Variants in PIP5K1A observed in about 807,000 individuals in gnomAD.
The protein encoded by PIP5K1A is phosphatidylinositol-4-phosphate 5-kinase type 1 alpha.
Under a neutral mutation model 72.9 loss-of-function variants are expected in PIP5K1A, and 46 were observed. That is an observed-to-expected ratio of 0.63 (90% CI 0.50 to 0.81). The LOEUF (loss-of-function observed/expected upper bound fraction) is 0.81, where lower values mean the gene tolerates loss of function less well. PIP5K1A is among the 30% of genes least tolerant of loss of function. The pLI is 0.00. For missense variants in PIP5K1A, 458 were observed against 706.1 expected (o/e 0.65, Z 3.98); for synonymous variants, 228 against 255.1 (o/e 0.89, Z 1.01).
chr1:151,211,362 C>T (rs1226577943), intron 1 of PIP5K1A, among the ~76,000 whole-genome samples: 1 of 152,152 alleles, frequency 6.6e-6, no homozygotes, highest in East Asian at 1.9e-4. Flanking sequence ...CGATGTGTGC[C>T]TGTAGTCCCA....
At chr1:151,213,008 A>T (rs1006596020) in intron 1 of PIP5K1A, among the ~76,000 whole-genome samples, 3 of 147,870 alleles carry the variant, frequency 2.0e-5, no homozygotes, top group African/African-American at 7.6e-5. Context: ...CTCCTGCCTC[A>T]GCCTCTGGAG....
intron 11 of PIP5K1A, 37 bp downstream of exon 11, chr1:151,239,215 T>G (rs768170152): frequency 5.0e-5 from 67 of 1,350,478 alleles, no homozygotes; most frequent in Non-Finnish European, 6.5e-5. Context: ...TACCGTACAC[T>G]TCTGCCTCCA....
At chr1:151,195,884 A>ATTTTTTTTTTTTTTTTTTTTT (rs1157195462), upstream of PIP5K1A, among the ~76,000 whole-genome samples, 2 of 62,294 alleles carry the variant, frequency 3.2e-5, 1 homozygote, top group Non-Finnish European at 5.4e-5. Flanking sequence ...ACACCAGCCG[A>ATTTTTTTTTTTTTTTTTTTTT]TTTTTTTTTT....
chr1:151,242,618 C>A, intron 14 of PIP5K1A, 51 bp downstream of exon 14: 1 of 1,463,902 alleles, frequency 6.8e-7, no homozygotes, highest in Non-Finnish European at 9.5e-7. Context: ...CTTTTCAAGT[C>A]CTTGGAAACC....
At chr1:151,223,343 C>T (rs747698042) in intron 1 of PIP5K1A, among the ~76,000 whole-genome samples, 21 of 135,488 alleles carry the variant, frequency 1.5e-4, no homozygotes, top group Non-Finnish European at 2.8e-4. Flanking sequence ...AGCAAAACTC[C>T]GTCTCAAAAA....
chr1:151,204,208 CT>C (rs1685611300), intron 1 of PIP5K1A, among the ~76,000 whole-genome samples: 1 of 152,110 alleles, frequency 6.6e-6, no homozygotes, highest in African/African-American at 2.4e-5. Context: ...TGGAGTTTCG[CT>C]CTTGTTGCCC....
chr1:151,232,407 AG>A, intron 6 of PIP5K1A, 42 bp downstream of exon 6: 1 of 1,514,468 alleles, frequency 6.6e-7, no homozygotes, highest in Non-Finnish European at 9.2e-7. Flanking sequence ...CCAGTATCAG[AG>A]GGATATTCCC....
At chr1:151,212,282 A>G (rs1686935345) in intron 1 of PIP5K1A, among the ~76,000 whole-genome samples, 1 of 152,148 alleles carries the variant, frequency 6.6e-6, no homozygotes, top group African/African-American at 2.4e-5. Flanking sequence ...CTCATTTCTC[A>G]TTCTGAAGTT....
chr1:151,242,655 A>G, intron 14 of PIP5K1A, 88 bp downstream of exon 14: 2 of 1,148,400 alleles, frequency 1.7e-6, no homozygotes, highest in Middle Eastern at 2.0e-4. Flanking sequence ...ATCATAATAA[A>G]TTACCCCAAA....
intron 1 of PIP5K1A, among the ~76,000 whole-genome samples, chr1:151,200,544 T>A (rs1449168691): frequency 6.6e-6 from 1 of 152,108 alleles, no homozygotes; most frequent in Non-Finnish European, 1.5e-5. Flanking sequence ...GCTTGAGATT[T>A]TGGTATTTCC....
In PIP5K1A at chr1:151,203,079, A is replaced by T. The variant is rs145031753; in HGVS notation, c.85+3998A>T. On this transcript the variant is annotated intron_variant, in intron 1 of 15. Transcript: ENST00000368888. ...TAGCCGCCGCCGCTGGCCTTACTTT[A>T]TGCCCTTTTTACCACCATGAGGAGA... Among the ~76,000 whole-genome samples, 687 of 152,188 alleles carry T rather than the reference A, an allele frequency of 4.5e-3. 6 individuals are homozygous for T. Among genetic ancestry groups the T allele is most frequent in the African/African-American group, 0.016 (652 of 41,534 alleles).
chr1:151,245,597 A>T (rs913417524), intron 14 of PIP5K1A, among the ~76,000 whole-genome samples: 4 of 152,104 alleles, frequency 2.6e-5, no homozygotes, highest in African/African-American at 9.7e-5. Flanking sequence ...ATGTAGTGGC[A>T]CTATCTTGGT....
intron 1 of PIP5K1A, among the ~76,000 whole-genome samples, chr1:151,221,352 A>T (rs1415337785): frequency 6.6e-6 from 1 of 152,190 alleles, no homozygotes; most frequent in African/African-American, 2.4e-5. Flanking sequence ...TAAGGCTGAG[A>T]TGTATTAAAA....
intron 7 of PIP5K1A, chr1:151,233,908 CAG>C: frequency 2.7e-6 from 1 of 372,318 alleles, no homozygotes; most frequent in Non-Finnish European, 4.9e-6. Context: ...ATACCCAGGG[CAG>C]AGAGTGTCGT....
chr1:151,207,384 G>A (rs1444005486), intron 1 of PIP5K1A, among the ~76,000 whole-genome samples: 1 of 152,010 alleles, frequency 6.6e-6, no homozygotes, highest in African/African-American at 2.4e-5. Flanking sequence ...CATATTTGAG[G>A]TCTGAGAACC....
At chr1:151,197,157 C>T (rs587735071), upstream of PIP5K1A, among the ~76,000 whole-genome samples, 46 of 152,160 alleles carry the variant, frequency 3.0e-4, no homozygotes, top group African/African-American at 5.5e-4. Flanking sequence ...CCACGGCGCC[C>T]GGCCTGCATG....
At chr1:151,208,719 C>CGTTTTTT (rs1686329882) in intron 1 of PIP5K1A, among the ~76,000 whole-genome samples, 1 of 43,122 alleles carries the variant, frequency 2.3e-5, no homozygotes, top group Non-Finnish European at 4.3e-5. Context: ...TAATGGTACG[C>CGTTTTTT]TTTTTTTTTT....
intron 1 of PIP5K1A, chr1:151,223,839 A>G (rs587625281): frequency 5.6e-6 from 1 of 177,138 alleles, no homozygotes; most frequent in Admixed American, 5.8e-5. Flanking sequence ...AAACACAAAA[A>G]TTAGCTGAAT....
intron 8 of PIP5K1A, among the ~76,000 whole-genome samples, chr1:151,234,768 T>C (rs1011610562): frequency 6.6e-6 from 1 of 152,226 alleles, no homozygotes; most frequent in East Asian, 1.9e-4. Flanking sequence ...TCATCCTTCC[T>C]CAGATTTTGG....
Sources: allele counts gnomAD v4.1 joint callset (sites outside exome capture counted in the v4.1 genomes callset), GRCh38; gene constraint gnomAD v4.1.1; transcripts MANE v1.5; gene names NCBI Gene and HGNC (gene_info 2026-07-23, HGNC 2026-07-21).